Variants in UMODL1 observed in about 807,000 individuals in gnomAD.
UMODL1 encodes the protein uromodulin like 1, also known as uromodulin-like 1.
A neutral mutation model predicts 136.3 loss-of-function variants in UMODL1; 128 were observed. The ratio of observed to expected loss-of-function variants is 0.94; its 90% confidence interval spans 0.81 to 1.09. The LOEUF is 1.09. Ranked by LOEUF, UMODL1 falls within the 50% of genes least tolerant of loss-of-function variation. UMODL1 has a pLI of 0.00. For missense variants in UMODL1, 1,766 were observed against 1,725.6 expected, an observed-to-expected ratio of 1.02 and a Z score of -0.41; for synonymous variants, 721 against 720.0, an observed-to-expected ratio of 1.00 and a Z score of -0.02.
intron 2 of UMODL1, among the ~76,000 whole-genome samples, chr21:42,079,018 C>T (rs1297487022): frequency 2.6e-5 from 4 of 152,226 alleles, no homozygotes; most frequent in African/African-American, 7.2e-5. Context: ...CACGGCAACT[C>T]GGTTTAGAGC....
chr21:42,130,965 C>T (rs918553620), intron 21 of UMODL1, among the ~76,000 whole-genome samples: 9 of 152,106 alleles, frequency 5.9e-5, no homozygotes, highest in South Asian at 2.1e-4. Flanking sequence ...GGGCACCCAC[C>T]GCCACGCCCG....
chr21:42,124,832 T>G (rs2067030646), intron 17 of UMODL1, among the ~76,000 whole-genome samples: 1 of 152,180 alleles, frequency 6.6e-6, no homozygotes, highest in African/African-American at 2.4e-5. Context: ...GAAACCACCG[T>G]GGACCTGCTT....
intron 7 of UMODL1, 136 bp from the exon 8 acceptor site, chr21:42,102,030 G>T: frequency 3.3e-6 from 2 of 609,190 alleles, no homozygotes; most frequent in South Asian, 2.0e-5. Flanking sequence ...CCCCAATTAG[G>T]ATACCTCAAT....
chr21:42,123,218 C>G lies in UMODL1; in HGVS notation c.3147+68C>G, dbSNP rs891429302. 4 of 1,516,934 alleles carry G rather than the reference C, an allele frequency of 2.6e-6. No individual in the cohort carries two copies. The African/African-American group carries it at 4.1e-5, about 16-fold the overall frequency. The allele number at this position is 1,516,934 out of a possible 1,614,324, so 94.0% of individuals were successfully genotyped here. A position where few individuals can be genotyped will look rare whatever the true frequency, so the allele number is the denominator to read the frequency against. Reference sequence around the variant, plus strand: ...AAGGGGCTCTAGGTTACATGGGCCTCGATGTGGGAGGGCCAGGCAAGACTC... The same window carrying G: ...AAGGGGCTCTAGGTTACATGGGCCTGGATGTGGGAGGGCCAGGCAAGACTC... On this transcript the variant is annotated intron_variant, in intron 17 of 22. Transcript: ENST00000408910. This position sits in a 1 kb window ranked among gnomAD's most constrained non-coding sequence, Gnocchi z 4.4.
upstream of UMODL1, among the ~76,000 whole-genome samples, chr21:42,069,279 G>A (rs1021075049): frequency 1.3e-5 from 1 of 78,008 alleles, no homozygotes; most frequent in African/African-American, 3.7e-5. Flanking sequence ...AACAGCAGGG[G>A]TATCTTTCAT....
At chr21:42,109,080 G>C (rs1246255593) in intron 9 of UMODL1, among the ~76,000 whole-genome samples, 1 of 138,534 alleles carries the variant, frequency 7.2e-6, no homozygotes, top group Non-Finnish European at 1.6e-5. Context: ...TACTCCGCTG[G>C]ACCCCCACCC....
In UMODL1 at chr21:42,099,027, C is replaced by T. The variant is rs368444678; in HGVS notation, c.1033C>T (p.Arg345Trp). 2.2e-5 allele frequency: 35 copies of T among 1,614,184 alleles called. No individual in the cohort carries two copies. The highest frequency in any genetic ancestry group is 2.7e-5 in the African/African-American group (2 of 75,034). ...NSTQNHTFHV[R>W]VYRGMELLRS... Reference sequence around the variant, plus strand: ...TACACAGAACCACACTTTCCATGTCCGGGTTTACCGGGGTATGGAGTTGCT... The same window carrying T: ...TACACAGAACCACACTTTCCATGTCTGGGTTTACCGGGGTATGGAGTTGCT... Residue 345 changes from arginine to tryptophan, a missense_variant, in exon 7 of 23, where the codon CGG becomes TGG. By Grantham distance (101) the Arg-to-Trp change is moderately radical (BLOSUM62 -3). Coordinates refer to ENST00000408910, the MANE Select transcript of UMODL1 (RefSeq NM_001004416.3). The surrounding 1 kb of genome is among the most constrained non-coding windows in gnomAD (Gnocchi z 4.1).
intron 2 of UMODL1, among the ~76,000 whole-genome samples, chr21:42,081,215 G>A (rs978427792): frequency 1.3e-5 from 2 of 152,136 alleles, no homozygotes; most frequent in Non-Finnish European, 2.9e-5. Flanking sequence ...GGGGCCCTTT[G>A]GTGAGAACCT....
intron 1 of UMODL1, among the ~76,000 whole-genome samples, chr21:42,075,062 C>A (rs577062241): frequency 5.8e-4 from 89 of 152,178 alleles, no homozygotes; most frequent in African/African-American, 2.0e-3. Context: ...CCACTCCCGG[C>A]TAATTTTTTG....
At chr21:42,101,629 C>CT (rs2066634719) in intron 7 of UMODL1, 1 of 440,890 alleles carries the variant, frequency 2.3e-6, no homozygotes, top group Non-Finnish European at 4.5e-6. Flanking sequence ...CATCTTGAAG[C>CT]TTTTTTCCAT....
intron 6 of UMODL1, among the ~76,000 whole-genome samples, chr21:42,093,697 C>A (rs896317522): frequency 1.3e-5 from 2 of 152,138 alleles, no homozygotes; most frequent in Non-Finnish European, 2.9e-5. Context: ...GCCCTCCACC[C>A]ACTGGCAGAT....
At chr21:42,121,034 G>T in intron 15 of UMODL1, 53 bp from the exon 16 acceptor site, 2 of 1,573,248 alleles carry the variant, frequency 1.3e-6, no homozygotes, top group South Asian at 1.2e-5. Flanking sequence ...GCTGCTGTGA[G>T]ACCACAAGCC....
In UMODL1 at chr21:42,126,207, C is replaced by T. The variant is rs891104840; in HGVS notation, c.3148-138C>T. The T allele has an allele frequency of 1.3e-5, 17 of 1,303,674 alleles. No homozygotes were observed. The East Asian group carries it at 1.7e-4, about 13-fold the overall frequency. 80.8% of individuals were successfully genotyped at this position (1,303,674 alleles called of 1,614,324 possible). On this transcript the variant is annotated intron_variant, in intron 17 of 22. Transcript: ENST00000408910. ...TTAGGCAGTTTATGGTTGGGAGAAT[C>T]GCCAGGATCTCGATGCTGCTGGGGA...
rs758253891 is a variant in UMODL1 at position 42,113,763 on chromosome 21, C to A, written c.2295C>A (p.His765Gln). The part of the protein sequence containing the change: ...TLSGLEPGVL[H>Q]LVEIMAKACG... ...CGGGGCTGGAGCCTGGGGTCTTGCA[C>A]CTGGTTGAGATCATGGCCAAAGCAT... The change falls in exon 13 of 23, where the codon CAC becomes CAA. Residue 765 changes from histidine (H) to glutamine (Q), a missense_variant. Transcript: ENST00000408910. 6.2e-7 allele frequency: 1 copy of A among 1,614,054 alleles called. No homozygotes were observed. Among genetic ancestry groups the A allele is most frequent in the South Asian group, 1.1e-5 (1 of 91,080 alleles).
At chr21:42,106,995 T>C (rs1338326039) in intron 9 of UMODL1, among the ~76,000 whole-genome samples, 1 of 152,202 alleles carries the variant, frequency 6.6e-6, no homozygotes, top group Non-Finnish European at 1.5e-5. Context: ...TCTTCCAGGA[T>C]TAACTTTCAT....
intron 1 of UMODL1, among the ~76,000 whole-genome samples, chr21:42,075,764 T>A (rs1420156551): frequency 6.6e-6 from 1 of 152,246 alleles, no homozygotes; most frequent in Non-Finnish European, 1.5e-5. Context: ...TCACAGCGGC[T>A]TTCTTAGCAG....
At chr21:42,068,379 A>G (rs2066200588), upstream of UMODL1, among the ~76,000 whole-genome samples, 3 of 152,078 alleles carry the variant, frequency 2.0e-5, no homozygotes. The surrounding 1 kb of genome is among the most constrained non-coding windows in gnomAD (Gnocchi z 5.5). Flanking sequence ...GTCCCCACAC[A>G]CACCCCGAGA....
chr21:42,104,976 A>G (rs1466605993), intron 9 of UMODL1, among the ~76,000 whole-genome samples: 1 of 152,158 alleles, frequency 6.6e-6, no homozygotes, highest in African/African-American at 2.4e-5. Flanking sequence ...TTTGGGCTCA[A>G]TCTGTGGAGT....
intron 5 of UMODL1, among the ~76,000 whole-genome samples, 195 bp from the exon 6 acceptor site, chr21:42,090,103 A>G (rs1026348578): frequency 1.3e-5 from 2 of 152,150 alleles, no homozygotes; most frequent in African/African-American, 2.4e-5. Flanking sequence ...TTGGATGACG[A>G]TGGCCAGCAG....
Sources: gnomAD v4.1 joint callset for allele counts (sites outside exome capture counted in the v4.1 genomes callset) on GRCh38, gnomAD v4.1.1 for gene constraint, Gnocchi (gnomAD v3.1) non-coding constraint, MANE v1.5 for transcripts, NCBI Gene and HGNC (gene_info 2026-07-23, HGNC 2026-07-21) for gene names.